Variants in FOXP2 observed in about 807,000 individuals in gnomAD.
FOXP2 encodes forkhead box P2.
Under a neutral mutation model 115.8 loss-of-function variants are expected in FOXP2, and 12 were observed. That is an observed-to-expected ratio of 0.10 (90% CI 0.07 to 0.17). The LOEUF (loss-of-function observed/expected upper bound fraction) is 0.17, where lower values mean the gene tolerates loss of function less well. FOXP2 is among the 10% of genes least tolerant of loss of function. The pLI is 1.00. For synonymous variants in FOXP2, 328 were observed against 297.7 expected (o/e 1.10, Z -1.05); for missense variants, 629 against 843.5 (o/e 0.75, Z 3.15).
intron 1 of FOXP2, among the ~76,000 whole-genome samples, chr7:114,243,232 C>G (rs1279870154): frequency 7.2e-6 from 1 of 139,276 alleles, no homozygotes; most frequent in Admixed American, 7.4e-5. Context: ...GCACAACACA[C>G]TGAAAATAAA....
At chr7:114,146,575 T>G (rs931281525) in intron 1 of FOXP2, among the ~76,000 whole-genome samples, 1 of 152,206 alleles carries the variant, frequency 6.6e-6, no homozygotes, top group African/African-American at 2.4e-5. Flanking sequence ...GGCATGTCAT[T>G]CATCAGAAGA....
intron 2 of FOXP2, among the ~76,000 whole-genome samples, chr7:114,314,968 G>A (rs1027184680): frequency 6.6e-6 from 1 of 151,764 alleles, no homozygotes; most frequent in African/African-American, 2.4e-5. Context: ...ACTTCTGAAA[G>A]AAAAAAAAGT....
intron 1 of FOXP2, among the ~76,000 whole-genome samples, chr7:114,154,604 T>G (rs1390172751): frequency 6.6e-6 from 1 of 152,142 alleles, no homozygotes; most frequent in Non-Finnish European, 1.5e-5. Context: ...AACTTCAAAG[T>G]GTTATAAAAA....
chr7:114,252,218 G>A (rs554922030), intron 1 of FOXP2, among the ~76,000 whole-genome samples: 14 of 151,952 alleles, frequency 9.2e-5, no homozygotes, highest in Non-Finnish European at 1.6e-4. Flanking sequence ...GGATTTTTGC[G>A]TCGATATTTA....
At chr7:114,089,050 C>G (rs1385635540) in intron 1 of FOXP2, among the ~76,000 whole-genome samples, 2 of 152,018 alleles carry the variant, frequency 1.3e-5, no homozygotes, top group Non-Finnish European at 2.9e-5. Context: ...TTTAAAGGCC[C>G]CTTTTCTCTT....
At chr7:114,437,052 C>T (rs962534614) in intron 2 of FOXP2, among the ~76,000 whole-genome samples, 1 of 152,096 alleles carries the variant, frequency 6.6e-6, no homozygotes, top group Non-Finnish European at 1.5e-5. Flanking sequence ...CTTATTCATT[C>T]TTTATTTACA....
chr7:114,536,397 C>CTTTTTTTTTTTTTTTTTTTTTT (rs3997242), intron 3 of FOXP2, among the ~76,000 whole-genome samples: 5 of 112,372 alleles, frequency 4.4e-5, no homozygotes, highest in South Asian at 5.6e-4. Flanking sequence ...TTTTTCTTTT[C>CTTTTTTTTTTTTTTTTTTTTTT]TTTTTTTTTT....
intron 2 of FOXP2, among the ~76,000 whole-genome samples, chr7:114,376,203 G>A (rs2129190542): frequency 6.6e-6 from 1 of 152,278 alleles, no homozygotes; most frequent in South Asian, 2.1e-4. Flanking sequence ...AGGCTTATCT[G>A]GTTAGAAGTC....
intron 2 of FOXP2, among the ~76,000 whole-genome samples, chr7:114,496,112 A>G (rs1797308958): frequency 6.6e-6 from 1 of 152,170 alleles, no homozygotes; most frequent in Non-Finnish European, 1.5e-5. Context: ...ATAAACATTT[A>G]CTTATTTACT....
intron 1 of FOXP2, among the ~76,000 whole-genome samples, chr7:114,131,582 G>C (rs989717357): frequency 1.3e-5 from 2 of 151,916 alleles, no homozygotes; most frequent in African/African-American, 4.8e-5. Flanking sequence ...CATATGAAAA[G>C]AGAAATGTGT....
chr7:114,513,074 C>A (rs901995980), intron 2 of FOXP2, among the ~76,000 whole-genome samples: 2 of 152,134 alleles, frequency 1.3e-5, no homozygotes, highest in Non-Finnish European at 2.9e-5. Flanking sequence ...CAGACCAAGA[C>A]TCCATCTCAA....
rs559609536 is a variant in FOXP2, at chr7:114,281,715, C to T, written c.-101-6304C>T. Among the ~76,000 whole-genome samples, 9 of 152,180 alleles carry T rather than the reference C, an allele frequency of 5.9e-5. No individual in the cohort carries two copies. In the South Asian group the frequency reaches 1.7e-3, roughly 28 times the overall value. ...TAGAAAGAAATTTATAAATATAAAA[C>T]TGACTGAAAACACAATTGTCCTATT... On this transcript the variant is annotated intron_variant, in intron 1 of 17. Coordinates refer to the FOXP2 transcript ENST00000634411.
chr7:114,464,332 T>TTTGTAAAGGG (rs1795714020), intron 2 of FOXP2, among the ~76,000 whole-genome samples: 1 of 152,070 alleles, frequency 6.6e-6, no homozygotes, highest in Non-Finnish European at 1.5e-5. Context: ...AGGGATGACT[T>TTTGTAAAGGG]ATGACCTTTA....
At chr7:114,449,407 G>A (rs1203882266) in intron 2 of FOXP2, among the ~76,000 whole-genome samples, 1 of 152,002 alleles carries the variant, frequency 6.6e-6, no homozygotes, top group African/African-American at 2.4e-5. Flanking sequence ...ATATTTAAAT[G>A]TAAATAATCA....
intron 3 of FOXP2, among the ~76,000 whole-genome samples, chr7:114,565,821 T>G (rs187925218): frequency 6.6e-6 from 1 of 152,266 alleles, no homozygotes; most frequent in East Asian, 1.9e-4. Flanking sequence ...TTACTTAGAT[T>G]TGGTCCTCTG....
intron 1 of FOXP2, among the ~76,000 whole-genome samples, chr7:114,194,948 A>G (rs1793866152): frequency 6.6e-6 from 1 of 152,132 alleles, no homozygotes; most frequent in Non-Finnish European, 1.5e-5. Flanking sequence ...AGAATAGTTC[A>G]TATATTTGCC....
chr7:114,311,424 G>A (rs1797144591), intron 2 of FOXP2, among the ~76,000 whole-genome samples: 1 of 152,156 alleles, frequency 6.6e-6, no homozygotes, highest in Non-Finnish European at 1.5e-5. Context: ...ATTGGTGAAA[G>A]TGGTATCCAG....
intron 1 of FOXP2, among the ~76,000 whole-genome samples, chr7:114,208,852 C>A (rs1794270052): frequency 6.6e-6 from 1 of 152,084 alleles, no homozygotes. Flanking sequence ...TGTGAGGCCT[C>A]CCCAGCCACG....
intron 16 of FOXP2, among the ~76,000 whole-genome samples, chr7:114,673,858 C>A (rs1441746928): frequency 6.6e-6 from 1 of 152,140 alleles, no homozygotes; most frequent in African/African-American, 2.4e-5. Flanking sequence ...TGCCACTACA[C>A]CCGACTAATT....
Sources: allele counts gnomAD v4.1 joint callset (sites outside exome capture counted in the v4.1 genomes callset), GRCh38; gene constraint gnomAD v4.1.1; transcripts MANE v1.5; gene names NCBI Gene and HGNC (gene_info 2026-07-23, HGNC 2026-07-21).